The following TENM1 variants were observed in gnomAD, a reference collection of about 807,000 sequenced individuals.
TENM1 encodes teneurin-1.
TENM1 carries 35 observed loss-of-function variants against 174.8 expected under a neutral mutation model. That is an observed-to-expected ratio of 0.20 (90% CI 0.15 to 0.27). The LOEUF (loss-of-function observed/expected upper bound fraction) is 0.27, where lower values mean the gene tolerates loss of function less well. TENM1 is among the 10% of genes least tolerant of loss of function. The pLI is 1.00. For missense variants in TENM1, 1,633 were observed against 2,130.1 expected (o/e 0.77, Z 4.59); for synonymous variants, 781 against 798.7 (o/e 0.98, Z 0.37).
chrX:124,544,038 C>T (rs772653426), intron 15 of TENM1, among the ~76,000 whole-genome samples: 1 of 112,975 alleles, frequency 8.9e-6, no homozygotes, highest in African/African-American at 3.2e-5. Flanking sequence ...CTGTGTGGGT[C>T]GCATTTTGCC....
At chrX:124,818,924 G>C (rs973088934) in intron 3 of TENM1, among the ~76,000 whole-genome samples, 2 of 111,314 alleles carry the variant, frequency 1.8e-5, no homozygotes, top group African/African-American at 3.3e-5. Context: ...AAAGCTGTTG[G>C]GTTGTGTAAC....
chrX:125,152,693 T>C, the TENM1 span, among the ~76,000 whole-genome samples: 1 of 112,062 alleles, frequency 8.9e-6, no homozygotes, highest in East Asian at 2.8e-4. Flanking sequence ...TCAAAATGGA[T>C]TAAATGGTCA....
intron 23 of TENM1, among the ~76,000 whole-genome samples, chrX:124,446,858 T>A (rs2147825058): frequency 8.9e-6 from 1 of 112,178 alleles, no homozygotes; most frequent in East Asian, 2.8e-4. Context: ...TTTCAAAAGG[T>A]GGGAACTCCA....
intron 11 of TENM1, among the ~76,000 whole-genome samples, chrX:124,625,320 T>A (rs2050610897): frequency 9.0e-6 from 1 of 111,373 alleles, no homozygotes. Flanking sequence ...TAGTAAGAGC[T>A]CAATAAATGC....
intron 11 of TENM1, among the ~76,000 whole-genome samples, chrX:124,606,852 C>T (rs185905401): frequency 9.9e-5 from 11 of 111,142 alleles, no homozygotes; most frequent in Non-Finnish European, 1.7e-4. Flanking sequence ...ACAGAGTTCA[C>T]GTTATGATTA....
At chrX:124,377,240 TAC>T (rs2060113825) in exon 32 of TENM1, 1 of 111,595 alleles carries the variant, frequency 9.0e-6, no homozygotes, top group Non-Finnish European at 1.9e-5. Context: ...CATACCTGTC[TAC>T]ATAGGTAGCA....
At chrX:124,489,838 A>G (rs2047027226) in intron 20 of TENM1, among the ~76,000 whole-genome samples, 1 of 111,150 alleles carries the variant, frequency 9.0e-6, no homozygotes, top group African/African-American at 3.3e-5. Flanking sequence ...AACATTTGAC[A>G]TTGAAGAATG....
intron 3 of TENM1, among the ~76,000 whole-genome samples, chrX:124,840,472 T>C (rs1391068495): frequency 1.8e-5 from 2 of 112,066 alleles, no homozygotes; most frequent in Non-Finnish European, 3.8e-5. Context: ...TATTTCACTT[T>C]GAGAATGACT....
the TENM1 span, among the ~76,000 whole-genome samples, chrX:125,052,450 A>T: frequency 9.0e-6 from 1 of 111,618 alleles, no homozygotes; most frequent in Non-Finnish European, 1.9e-5. Context: ...AATTTAATGT[A>T]TTTGATTTTA....
At chrX:124,795,448 A>G (rs189352417) in intron 3 of TENM1, among the ~76,000 whole-genome samples, 1 of 112,157 alleles carries the variant, frequency 8.9e-6, no homozygotes, top group African/African-American at 3.2e-5. Flanking sequence ...AAAAATAGTT[A>G]CCTCAATACA....
At chrX:124,581,653 C>T (rs920268648) in intron 11 of TENM1, among the ~76,000 whole-genome samples, 3 of 112,235 alleles carry the variant, frequency 2.7e-5, no homozygotes, top group Non-Finnish European at 5.6e-5. Context: ...TTCACTCCCA[C>T]CAACAGTGGA....
At chrX:125,156,356 C>A in the TENM1 span, among the ~76,000 whole-genome samples, 1 of 111,578 alleles carries the variant, frequency 9.0e-6, no homozygotes, top group South Asian at 3.7e-4. Flanking sequence ...TATTTTGTTA[C>A]CCCGGTAATA....
chrX:124,852,589 ATGCTGGT>A (rs2056742364), intron 3 of TENM1, among the ~76,000 whole-genome samples: 1 of 111,046 alleles, frequency 9.0e-6, no homozygotes, highest in Non-Finnish European at 1.9e-5. Flanking sequence ...TACTGAATTA[ATGCTGGT>A]TGTGTTGAGT....
At chrX:124,480,838 C>A (rs1260850200) in intron 22 of TENM1, among the ~76,000 whole-genome samples, 1 of 111,589 alleles carries the variant, frequency 9.0e-6, no homozygotes. Flanking sequence ...CACACACATA[C>A]ACACACATAC....
At chrX:125,080,917 T>C in the TENM1 span, among the ~76,000 whole-genome samples, 3 of 111,253 alleles carry the variant, frequency 2.7e-5, no homozygotes, top group Admixed American at 9.6e-5. Flanking sequence ...ATACTTACCC[T>C]GGACACTCAT....
intron 1 of TENM1, among the ~76,000 whole-genome samples, chrX:124,957,874 A>G (rs931297950): frequency 1.8e-5 from 2 of 112,034 alleles, no homozygotes; most frequent in Admixed American, 9.5e-5. Context: ...TTGCAGTAAA[A>G]TGGAGATATT....
chrX:124,510,840 G>A (rs2047566757), intron 18 of TENM1, among the ~76,000 whole-genome samples: 1 of 109,998 alleles, frequency 9.1e-6, no homozygotes, highest in Admixed American at 9.7e-5. Context: ...TCACATTCTG[G>A]TATGTTCTAT....
rs751158115 is a variant in TENM1 at position 124,753,809 on chromosome X, C to T, written c.536-16612G>A. Reference sequence around the variant, plus strand: ...ATTACATTTATTGATTTGCGTCTATCGAACCAGCCTTGCATCCCAGGGATG... The same window carrying T: ...ATTACATTTATTGATTTGCGTCTATTGAACCAGCCTTGCATCCCAGGGATG... On this transcript the variant is annotated intron_variant, in intron 3 of 31. Coordinates refer to ENST00000422452, the Ensembl canonical transcript of TENM1. 2.9e-3 allele frequency among the ~76,000 whole-genome samples: 329 copies of T among 111,576 alleles called. 4 individuals are homozygous for T. The highest frequency in any genetic ancestry group is 8.7e-3 in the African/African-American group (268 of 30,686).
chrX:125,081,365 C>A, the TENM1 span, among the ~76,000 whole-genome samples: 1 of 111,066 alleles, frequency 9.0e-6, no homozygotes, highest in Non-Finnish European at 1.9e-5. Context: ...ACAGCTGTTT[C>A]TCTTAATTTC....
Sources: gnomAD v4.1 joint callset for allele counts (sites outside exome capture counted in the v4.1 genomes callset) on GRCh38, gnomAD v4.1.1 for gene constraint, MANE v1.5 for transcripts, NCBI Gene and HGNC (gene_info 2026-07-23, HGNC 2026-07-21) for gene names.